The following EYS variants were observed in gnomAD, a reference collection of about 807,000 sequenced individuals.
EYS encodes the protein protein eyes shut homolog.
EYS carries 250 observed loss-of-function variants against 282.1 expected under a neutral mutation model. That is an observed-to-expected ratio of 0.89 (90% CI 0.80 to 0.98). The LOEUF is 0.98. Among genes scored for constraint, EYS ranks in the 50% least tolerant of loss-of-function variants. EYS has a pLI of 0.00. For missense variants in EYS, 4,016 were observed against 3,709.0 expected, an observed-to-expected ratio of 1.08 and a Z score of -2.15; for synonymous variants, 1,355 against 1,282.9, an observed-to-expected ratio of 1.06 and a Z score of -1.20.
intron 26 of EYS, among the ~76,000 whole-genome samples, chr6:64,495,707 T>C (rs893823762): frequency 2.0e-5 from 3 of 151,884 alleles, no homozygotes; most frequent in Non-Finnish European, 2.9e-5. Context: ...ACGTTAAACC[T>C]TTTATTTCCC....
At chr6:65,667,518 T>A (rs999973704) in intron 1 of EYS, among the ~76,000 whole-genome samples, 2 of 151,872 alleles carry the variant, frequency 1.3e-5, no homozygotes, top group African/African-American at 4.8e-5. Context: ...ATGATTCAGA[T>A]CTTAACTCAG....
intron 26 of EYS, among the ~76,000 whole-genome samples, chr6:64,563,817 A>T (rs1161089848): frequency 3.9e-5 from 6 of 152,152 alleles, no homozygotes; most frequent in Admixed American, 3.9e-4. Flanking sequence ...ACAAGGTATT[A>T]TACATCAGAA....
chr6:65,572,644 A>T (rs916049168), intron 2 of EYS, among the ~76,000 whole-genome samples: 1 of 152,156 alleles, frequency 6.6e-6, no homozygotes, highest in African/African-American at 2.4e-5. Flanking sequence ...AGGCGATACC[A>T]TGTAGTCTAG....
At chr6:63,807,697 C>A (rs1038789091) in intron 36 of EYS, among the ~76,000 whole-genome samples, 1 of 152,102 alleles carries the variant, frequency 6.6e-6, no homozygotes, top group African/African-American at 2.4e-5. Flanking sequence ...ATGTAATTTT[C>A]TCAAAACTCA....
chr6:64,667,306 A>G (rs1281882301), intron 22 of EYS, among the ~76,000 whole-genome samples: 1 of 151,894 alleles, frequency 6.6e-6, no homozygotes, highest in Non-Finnish European at 1.5e-5. Context: ...TAAAGATGCC[A>G]AATACATGGA....
At chr6:65,643,314 C>T (rs780101060) in intron 1 of EYS, among the ~76,000 whole-genome samples, 1 of 152,168 alleles carries the variant, frequency 6.6e-6, no homozygotes, top group African/African-American at 2.4e-5. Flanking sequence ...CAACCTAATA[C>T]ACCTGGGAAT....
intron 14 of EYS, among the ~76,000 whole-genome samples, chr6:64,991,411 C>T (rs1355582341): frequency 6.6e-6 from 1 of 151,546 alleles, no homozygotes; most frequent in Admixed American, 6.6e-5. Context: ...GTTTTGGCTA[C>T]ATAATAACTA....
chr6:65,142,834 T>G (rs1764380675), intron 12 of EYS, among the ~76,000 whole-genome samples: 1 of 152,012 alleles, frequency 6.6e-6, no homozygotes, highest in Non-Finnish European at 1.5e-5. Context: ...TGGAGTATTT[T>G]AAGTGTCAAA....
chr6:64,658,798 GT>G (rs1768866798), intron 22 of EYS, among the ~76,000 whole-genome samples: 1 of 152,050 alleles, frequency 6.6e-6, no homozygotes, highest in Non-Finnish European at 1.5e-5. Context: ...CTACTTGGGG[GT>G]CACCCCACTG....
intron 2 of EYS, among the ~76,000 whole-genome samples, chr6:65,619,207 T>C (rs1455255387): frequency 2.0e-5 from 3 of 151,736 alleles, no homozygotes; most frequent in Admixed American, 1.3e-4. Flanking sequence ...CTTCCATTTG[T>C]TTGTATCCTC....
intron 22 of EYS, among the ~76,000 whole-genome samples, chr6:64,752,047 C>A (rs779950270): frequency 6.6e-6 from 1 of 151,836 alleles, no homozygotes; most frequent in Non-Finnish European, 1.5e-5. Flanking sequence ...AACAGATAAA[C>A]AATTCTGGAA....
chr6:65,434,609 G>A (rs948987336), intron 5 of EYS, among the ~76,000 whole-genome samples: 10 of 152,148 alleles, frequency 6.6e-5, no homozygotes, highest in Admixed American at 1.3e-4. Flanking sequence ...ATGAGCCACC[G>A]CGCCCGGCCA....
At chr6:64,832,376 G>A (rs189442241) in intron 19 of EYS, among the ~76,000 whole-genome samples, 144 of 151,568 alleles carry the variant, frequency 9.5e-4, no homozygotes, top group African/African-American at 3.2e-3. Context: ...GATTCTATCT[G>A]TATGAGGTAT....
intron 19 of EYS, among the ~76,000 whole-genome samples, chr6:64,843,845 C>T (rs1428122611): frequency 2.6e-5 from 4 of 152,030 alleles, no homozygotes; most frequent in Non-Finnish European, 5.9e-5. Context: ...TATGGTTTGG[C>T]TATGTGTCCC....
chr6:64,944,972 C>T (rs541012012), intron 15 of EYS, among the ~76,000 whole-genome samples: 133 of 151,466 alleles, frequency 8.8e-4, no homozygotes, highest in Non-Finnish European at 1.6e-3. Context: ...TGTTGCTGAC[C>T]TTCTCCTTAT....
intron 14 of EYS, among the ~76,000 whole-genome samples, chr6:64,993,796 G>A (rs189223903): frequency 6.5e-4 from 98 of 150,216 alleles, no homozygotes; most frequent in African/African-American, 2.1e-3. Flanking sequence ...TGAAAGTAAA[G>A]GTAGTTTTTT....
intron 22 of EYS, among the ~76,000 whole-genome samples, chr6:64,729,543 G>C (rs1290132666): frequency 1.3e-5 from 2 of 152,182 alleles, no homozygotes; most frequent in East Asian, 3.9e-4. Flanking sequence ...AGTGAATGTA[G>C]TTCACAGCTA....
chr6:64,379,918 A>G (rs2150419060), intron 29 of EYS, among the ~76,000 whole-genome samples: 1 of 152,294 alleles, frequency 6.6e-6, no homozygotes, highest in African/African-American at 2.4e-5. Context: ...GCTTAGGGGA[A>G]AGAGATTTCA....
chr6:65,192,373 C>G (rs1012592311), intron 12 of EYS, among the ~76,000 whole-genome samples: 5 of 149,122 alleles, frequency 3.4e-5, no homozygotes, highest in Non-Finnish European at 7.4e-5. Flanking sequence ...TATACAAGTT[C>G]ACATAAAAAA....
Sources: allele counts gnomAD v4.1 joint callset (sites outside exome capture counted in the v4.1 genomes callset), GRCh38; gene constraint gnomAD v4.1.1; transcripts MANE v1.5; gene names NCBI Gene and HGNC (gene_info 2026-07-23, HGNC 2026-07-21).